Variants in CPB2 observed in about 807,000 individuals in gnomAD.
CPB2 encodes the protein carboxypeptidase B-like protein.
CPB2 carries 54 observed loss-of-function variants against 57.0 expected under a neutral mutation model. That is an observed-to-expected ratio of 0.95 (90% CI 0.76 to 1.19). The LOEUF (loss-of-function observed/expected upper bound fraction) is 1.19. CPB2 is among the 50% of genes most tolerant of loss of function. The probability of loss-of-function intolerance (pLI) is 0.00; values close to 1 mark genes in which losing one functional copy is unlikely to be tolerated. For synonymous variants in CPB2, 189 were observed against 178.1 expected (o/e 1.06, Z -0.49); for missense variants, 426 against 512.0 (o/e 0.83, Z 1.62).
chr13:46,070,295 C>A (rs570669858), intron 6 of CPB2, among the ~76,000 whole-genome samples: 1 of 152,230 alleles, frequency 6.6e-6, no homozygotes, highest in African/African-American at 2.4e-5. Flanking sequence ...ATATTAAATG[C>A]ATTTTTTACT....
At chr13:46,070,540 G>A (rs1003087699) in intron 6 of CPB2, among the ~76,000 whole-genome samples, 1 of 151,846 alleles carries the variant, frequency 6.6e-6, no homozygotes, top group Admixed American at 6.6e-5. Context: ...CCTTTAATGT[G>A]GCCCTAAACA....
chr13:46,056,602 A>C (rs1262996146), intron 9 of CPB2, among the ~76,000 whole-genome samples: 9 of 152,352 alleles, frequency 5.9e-5, no homozygotes, highest in African/African-American at 2.2e-4. Context: ...CATTGTCTAC[A>C]TAATGAAATA....
chr13:46,102,552 A>C (rs1198727190), intron 1 of CPB2, among the ~76,000 whole-genome samples: 2 of 148,710 alleles, frequency 1.3e-5, no homozygotes, highest in Admixed American at 1.3e-4. Context: ...AAAAAAAAAA[A>C]AAAAACAAAG....
chr13:46,086,025 C>T lies in CPB2; in HGVS notation c.151-1682G>A, dbSNP rs568626454. On this transcript the variant is annotated intron_variant, in intron 2 of 10. Coordinates refer to ENST00000181383, the MANE Select transcript of CPB2 (RefSeq NM_001872.5). Reference sequence around the variant, plus strand: ...TGGCTGCGGCAGGGTGGGCATCTTTCGGCTCCCTGCAAGGCTGTGGCTGGA... The same window carrying T: ...TGGCTGCGGCAGGGTGGGCATCTTTTGGCTCCCTGCAAGGCTGTGGCTGGA... Among the ~76,000 whole-genome samples the T allele has an allele frequency of 3.3e-5, 5 of 152,226 alleles. No homozygotes were observed. The South Asian group carries it at 1.0e-3, about 32-fold the overall frequency.
At chr13:46,086,918 C>A (rs979733568) in intron 2 of CPB2, among the ~76,000 whole-genome samples, 1 of 152,236 alleles carries the variant, frequency 6.6e-6, no homozygotes, top group Non-Finnish European at 1.5e-5. Flanking sequence ...AACACCTAGG[C>A]TCAGCCTCAA....
chr13:46,077,266 T>A (rs2045036601), intron 5 of CPB2, among the ~76,000 whole-genome samples: 2 of 151,908 alleles, frequency 1.3e-5, no homozygotes, highest in Non-Finnish European at 2.9e-5. Context: ...GAGAAAGGAA[T>A]CTGAACAGAC....
Position 46,058,189 on chromosome 13 carries a change from T to C in CPB2, c.989A>G (p.His330Arg). The change falls in exon 9 of 11, where the codon CAT becomes CGT. Residue 330 changes from histidine to arginine, a missense_variant. Transcript: ENST00000181383. ...YSYTRSKSKD[H>R]EELSLVASEA... The stretch of plus-strand genomic sequence containing the variant: ...TTAAGTAGCACTTACCAGTTCCTCA[T>C]GGTCTTTGCTTTTACTTCGTGTATA... 1 of 1,612,106 alleles carries C rather than the reference T, an allele frequency of 6.2e-7. No individual in the cohort carries two copies. The highest frequency in any genetic ancestry group is 1.1e-5 in the South Asian group (1 of 90,992).
At chr13:46,092,943 C>A (rs561304978) in intron 1 of CPB2, among the ~76,000 whole-genome samples, 25 of 152,118 alleles carry the variant, frequency 1.6e-4, no homozygotes, top group Non-Finnish European at 3.7e-4. Context: ...GATGGAGTCT[C>A]GCTCTGTCAC....
chr13:46,057,357 A>G (rs1388848477), intron 9 of CPB2, among the ~76,000 whole-genome samples: 3 of 152,198 alleles, frequency 2.0e-5, no homozygotes, highest in Non-Finnish European at 2.9e-5. Flanking sequence ...GTCATCAGCA[A>G]TTGCTAGCTC....
intron 6 of CPB2, among the ~76,000 whole-genome samples, chr13:46,072,503 A>T (rs1212188442): frequency 6.6e-6 from 1 of 152,172 alleles, no homozygotes; most frequent in Admixed American, 6.5e-5. Flanking sequence ...GGAGCAAAAT[A>T]CTCAGCTATA....
At chr13:46,072,481 G>T (rs1027732997) in intron 6 of CPB2, among the ~76,000 whole-genome samples, 9 of 152,104 alleles carry the variant, frequency 5.9e-5, no homozygotes, top group African/African-American at 2.2e-4. Flanking sequence ...CACAAATCAG[G>T]TTCACATTGT....
chr13:46,104,831 A>G, intron 1 of CPB2, 105 bp downstream of exon 1: 11 of 1,375,038 alleles, frequency 8.0e-6, no homozygotes, highest in Non-Finnish European at 1.1e-5. Flanking sequence ...CCTGGCCTTC[A>G]AAGTTTACCA....
At chr13:46,078,214 T>C (rs1309193016) in intron 5 of CPB2, among the ~76,000 whole-genome samples, 3 of 152,168 alleles carry the variant, frequency 2.0e-5, no homozygotes, top group Admixed American at 2.0e-4. Context: ...ACAATTATTA[T>C]GTATCAATTT....
intron 1 of CPB2, chr13:46,098,408 C>G (rs1170619591): frequency 5.9e-5 from 9 of 152,160 alleles, no homozygotes. Flanking sequence ...GAAGAGGGAC[C>G]AAGCAAAACC....
At chr13:46,080,299 G>C (rs1019464082) in intron 4 of CPB2, among the ~76,000 whole-genome samples, 2 of 152,182 alleles carry the variant, frequency 1.3e-5, no homozygotes, top group African/African-American at 4.8e-5. Context: ...AGTCCATCTT[G>C]TAGGTAGGGC....
At chr13:46,097,367 C>T (rs1349254103) in intron 1 of CPB2, 1 of 152,244 alleles carries the variant, frequency 6.6e-6, no homozygotes, top group African/African-American at 2.4e-5. Context: ...GAATCAGCAC[C>T]ATTCCTCATA....
At chr13:46,098,633 A>G (rs2045396311) in intron 1 of CPB2, 2 of 152,274 alleles carry the variant, frequency 1.3e-5, no homozygotes, top group African/African-American at 4.8e-5. Context: ...TTGCCTGAAG[A>G]GAGCTGTGCT....
chr13:46,085,050 C>A (rs931395677), intron 2 of CPB2, among the ~76,000 whole-genome samples: 1 of 151,924 alleles, frequency 6.6e-6, no homozygotes, highest in East Asian at 1.9e-4. Flanking sequence ...CGGGGTTTCA[C>A]CGTGTTAGCC....
chr13:46,055,444 C>G (rs2044684697), intron 10 of CPB2, among the ~76,000 whole-genome samples: 1 of 152,110 alleles, frequency 6.6e-6, no homozygotes, highest in Non-Finnish European at 1.5e-5. Flanking sequence ...CCATGGTGGC[C>G]CTGGGAATCA....
Sources: gnomAD v4.1 joint callset for allele counts (sites outside exome capture counted in the v4.1 genomes callset) on GRCh38, gnomAD v4.1.1 for gene constraint, MANE v1.5 for transcripts, NCBI Gene and HGNC (gene_info 2026-07-23, HGNC 2026-07-21) for gene names.